Variants in GOLGA4 observed in about 807,000 individuals in gnomAD.
GOLGA4 encodes golgin subfamily A member 4.
GOLGA4 carries 169 observed loss-of-function variants against 265.9 expected under a neutral mutation model. The ratio of observed to expected loss-of-function variants is 0.64; its 90% CI spans 0.56 to 0.72. GOLGA4 has a LOEUF of 0.72. GOLGA4 is among the 30% of genes least tolerant of loss of function. The pLI is 0.00. For synonymous variants in GOLGA4, 923 were observed against 855.8 expected (o/e 1.08, Z -1.37); for missense variants, 2,482 against 2,483.4 (o/e 1.00, Z 0.01).
chr3:37,361,638 T>C (rs1485745139), intron 23 of GOLGA4, among the ~76,000 whole-genome samples: 1 of 152,222 alleles, frequency 6.6e-6, no homozygotes, highest in African/African-American at 2.4e-5. Flanking sequence ...AGAATGATCT[T>C]TGAAATTATG....
At chr3:37,309,812 A>G (rs1228303645) in intron 10 of GOLGA4, among the ~76,000 whole-genome samples, 2 of 152,236 alleles carry the variant, frequency 1.3e-5, no homozygotes, top group Non-Finnish European at 2.9e-5. Context: ...ATCTACTCTT[A>G]CATAGACACG....
intron 6 of GOLGA4, 56 bp from the exon 7 acceptor site, chr3:37,296,031 T>C (rs1186021234): frequency 1.3e-6 from 2 of 1,502,224 alleles, no homozygotes; most frequent in African/African-American, 2.8e-5. Flanking sequence ...AAGGGACAAT[T>C]GTACTACTCC....
At chr3:37,340,035 A>G (rs2097027866) in intron 19 of GOLGA4, 89 bp from the exon 20 acceptor site, 1 of 612,766 alleles carries the variant, frequency 1.6e-6, no homozygotes, top group East Asian at 3.1e-5. Context: ...CTTCAGCATT[A>G]AAAAACCTTG....
chr3:37,286,329 A>ATT (rs2096849302), intron 4 of GOLGA4, among the ~76,000 whole-genome samples: 1 of 147,824 alleles, frequency 6.8e-6, no homozygotes, highest in South Asian at 2.2e-4. Flanking sequence ...AATTTTTTGT[A>ATT]TTTTTAGTAG....
intron 10 of GOLGA4, among the ~76,000 whole-genome samples, chr3:37,306,934 A>T (rs1461691048): frequency 6.6e-6 from 1 of 152,094 alleles, no homozygotes; most frequent in African/African-American, 2.4e-5. Flanking sequence ...TTAACCATAG[A>T]CTTTTAGTCT....
At chr3:37,332,764 AT>A (rs1350202022) in intron 16 of GOLGA4, among the ~76,000 whole-genome samples, 1 of 152,114 alleles carries the variant, frequency 6.6e-6, no homozygotes, top group Non-Finnish European at 1.5e-5. Context: ...AAAATGAAAT[AT>A]ATTCTTATTT....
chr3:37,304,520 C>T (rs949538561), intron 10 of GOLGA4, among the ~76,000 whole-genome samples: 1 of 152,192 alleles, frequency 6.6e-6, no homozygotes, highest in Non-Finnish European at 1.5e-5. Context: ...TTTCAGTGAA[C>T]AGAAAATCTA....
chr3:37,299,467 C>A, intron 9 of GOLGA4, 96 bp downstream of exon 9: 1 of 722,580 alleles, frequency 1.4e-6, no homozygotes, highest in Non-Finnish European at 2.3e-6. Flanking sequence ...TTTCTGTTTT[C>A]TAAAAATTAT....
chr3:37,317,489 A>T (rs2096941163), intron 11 of GOLGA4, among the ~76,000 whole-genome samples: 1 of 151,952 alleles, frequency 6.6e-6, no homozygotes, highest in African/African-American at 2.4e-5. Context: ...TCTTATCCAT[A>T]CTTGTTCACA....
chr3:37,331,255 A>G (rs996896047), intron 16 of GOLGA4, among the ~76,000 whole-genome samples: 1 of 152,106 alleles, frequency 6.6e-6, no homozygotes, highest in Non-Finnish European at 1.5e-5. Context: ...TTTACATTTC[A>G]TCTCAATTTG....
chr3:37,267,930 A>G (rs1408562920), intron 2 of GOLGA4, among the ~76,000 whole-genome samples: 5 of 152,298 alleles, frequency 3.3e-5, no homozygotes, highest in African/African-American at 4.8e-5. Context: ...AGCTAGGGAG[A>G]TAATGGGATT....
intron 2 of GOLGA4, among the ~76,000 whole-genome samples, chr3:37,262,756 AAC>A (rs1161586012): frequency 1.3e-5 from 2 of 152,006 alleles, no homozygotes; most frequent in Non-Finnish European, 2.9e-5. Context: ...TTATTTAAAA[AAC>A]AAAAACAAAC....
chr3:37,334,566 G>T (rs1461369770), intron 16 of GOLGA4, among the ~76,000 whole-genome samples: 3 of 151,902 alleles, frequency 2.0e-5, no homozygotes, highest in Non-Finnish European at 4.4e-5. Context: ...CATCTGGTTG[G>T]GTAGTGCTCT....
chr3:37,246,351 G>T (rs1400560684), intron 1 of GOLGA4, among the ~76,000 whole-genome samples: 1 of 151,844 alleles, frequency 6.6e-6, no homozygotes, highest in African/African-American at 2.4e-5. Context: ...TACCTATTTT[G>T]GATTTTTAAA....
At chr3:37,358,436 A>C (rs1173320426) in intron 22 of GOLGA4, among the ~76,000 whole-genome samples, 1 of 152,178 alleles carries the variant, frequency 6.6e-6, no homozygotes, top group African/African-American at 2.4e-5. Context: ...AGAAATCACT[A>C]TCTGTTAAGT....
intron 5 of GOLGA4, among the ~76,000 whole-genome samples, chr3:37,294,695 T>A (rs920225914): frequency 5.3e-5 from 8 of 152,126 alleles, no homozygotes; most frequent in African/African-American, 1.9e-4. Context: ...CTGTCTTAAG[T>A]GATTATTTAT....
At chr3:37,322,337 C>T (rs927450437) in intron 13 of GOLGA4, among the ~76,000 whole-genome samples, 7 of 152,154 alleles carry the variant, frequency 4.6e-5, no homozygotes, top group Non-Finnish European at 8.8e-5. Context: ...CCCAGTTTTT[C>T]CATACTAAAC....
chr3:37,355,845 T>C (rs1300018526), intron 22 of GOLGA4, among the ~76,000 whole-genome samples: 3 of 152,044 alleles, frequency 2.0e-5, no homozygotes, highest in Non-Finnish European at 4.4e-5. Flanking sequence ...TGCCTTCAGC[T>C]CTCTCTTTCT....
chr3:37,270,910 G>A (rs1286950936), intron 2 of GOLGA4, among the ~76,000 whole-genome samples: 2 of 151,974 alleles, frequency 1.3e-5, no homozygotes, highest in African/African-American at 4.8e-5. Flanking sequence ...TGTAGAATCA[G>A]TGGGAGCCCT....
Sources: gnomAD v4.1 joint callset for allele counts (sites outside exome capture counted in the v4.1 genomes callset) on GRCh38, gnomAD v4.1.1 for gene constraint, MANE v1.5 for transcripts, NCBI Gene and HGNC (gene_info 2026-07-23, HGNC 2026-07-21) for gene names.